LRRTM3: variants seen among roughly 807,000 people sequenced by gnomAD.
LRRTM3 encodes leucine rich repeat transmembrane neuronal 3, also known as leucine-rich repeat transmembrane neuronal protein 3.
LRRTM3 carries 24 observed loss-of-function variants against 44.7 expected under a neutral mutation model. That is an observed-to-expected ratio of 0.54 (90% CI 0.39 to 0.76). The LOEUF is 0.76. Ranked by LOEUF, LRRTM3 falls within the 30% of genes least tolerant of loss-of-function variation. LRRTM3 has a pLI of 0.00. For missense variants in LRRTM3, 587 were observed against 702.2 expected (o/e 0.84, Z 1.85); for synonymous variants, 277 against 278.7 (o/e 0.99, Z 0.06).
intron 2 of LRRTM3, among the ~76,000 whole-genome samples, chr10:66,963,318 C>G (rs1204176666): frequency 6.6e-6 from 1 of 152,104 alleles, no homozygotes; most frequent in Non-Finnish European, 1.5e-5. Flanking sequence ...CTGTGTAGCA[C>G]TGGGAAATTA....
chr10:66,980,546 A>G (rs753252), intron 2 of LRRTM3, among the ~76,000 whole-genome samples: 31,875 of 144,750 alleles, frequency 0.22, 4,010 homozygotes, highest in East Asian at 0.52. Context: ...AACAGGAACC[A>G]AAACTATTGA....
intron 2 of LRRTM3, among the ~76,000 whole-genome samples, chr10:67,020,011 A>T (rs1253923014): frequency 7.4e-5 from 2 of 27,060 alleles, no homozygotes; most frequent in East Asian, 1.6e-3. Flanking sequence ...GTTAATACCA[A>T]TATCAACTGC....
intron 1 of LRRTM3, 151 bp downstream of exon 1, chr10:66,926,738 TTAAC>T (rs543818726): frequency 8.0e-4 from 850 of 1,060,372 alleles, no homozygotes; most frequent in Non-Finnish European, 1.0e-3. Flanking sequence ...GTTTCCTTGT[TTAAC>T]TATTTAAAAA....
intron 2 of LRRTM3, among the ~76,000 whole-genome samples, chr10:66,992,086 A>G (rs577053118): frequency 4.6e-5 from 7 of 152,274 alleles, no homozygotes; most frequent in African/African-American, 1.7e-4. Context: ...CAGCCTTATC[A>G]GATGTTGCCA....
Position 66,927,502 on chromosome 10 carries a change from T to G in LRRTM3, c.586T>G (p.Leu196Val), listed in dbSNP as rs1564772181. The part of the protein sequence containing the change: ...LDLGYNRIRS[L>V]ARNVFAGMIR... The stretch of plus-strand genomic sequence containing the variant: ...CCTGGGATATAACCGGATCCGAAGT[T>G]TAGCCAGGAATGTCTTTGCTGGCAT... Residue 196 changes from leucine (L) to valine (V), a missense_variant, in exon 2 of 3, where the codon TTA becomes GTA. Coordinates refer to ENST00000361320, the MANE Select transcript of LRRTM3 (RefSeq NM_178011.5). This position sits in a 1 kb window ranked among gnomAD's most constrained non-coding sequence, Gnocchi z 4.7. The G allele has an allele frequency of 6.2e-7, 1 of 1,614,120 alleles. No individual in the cohort carries two copies. The highest frequency in any genetic ancestry group is 2.2e-5 in the East Asian group (1 of 44,868).
chr10:67,052,019 T>C (rs925485131), intron 2 of LRRTM3, among the ~76,000 whole-genome samples: 1 of 152,106 alleles, frequency 6.6e-6, no homozygotes, highest in Non-Finnish European at 1.5e-5. Flanking sequence ...CCTCCCAAAG[T>C]GCTGGGATTA....
At chr10:67,031,535 A>G (rs1853727631) in intron 2 of LRRTM3, among the ~76,000 whole-genome samples, 1 of 152,214 alleles carries the variant, frequency 6.6e-6, no homozygotes, top group South Asian at 2.1e-4. Context: ...AAGTAATGTC[A>G]CTAAAAGACT....
Position 67,087,612 on chromosome 10 carries a change from A to C in LRRTM3, c.1537-9975A>C, listed in dbSNP as rs138389976. Among the ~76,000 whole-genome samples, 276 of 152,154 alleles carry C rather than the reference A, an allele frequency of 1.8e-3. 3 individuals carry two copies. Among genetic ancestry groups the C allele is most frequent in the African/African-American group, 5.8e-3 (240 of 41,562 alleles). On this transcript the variant is annotated intron_variant, in intron 2 of 2. Coordinates refer to ENST00000361320, the MANE Select transcript of LRRTM3 (RefSeq NM_178011.5). The stretch of plus-strand genomic sequence containing the variant: ...TAAAATCAAATAAAAAATAAAGTGG[A>C]TCTCAAACATCATAATGCAGTGCCA...
intron 2 of LRRTM3, among the ~76,000 whole-genome samples, chr10:67,097,180 T>A (rs1858050194): frequency 6.6e-6 from 1 of 151,832 alleles, no homozygotes; most frequent in Non-Finnish European, 1.5e-5. Context: ...AGTTTGAGAA[T>A]CACTCTTGTT....
chr10:67,066,997 TTTATAGGCAA>T (rs1232235731), intron 2 of LRRTM3, among the ~76,000 whole-genome samples: 1 of 152,170 alleles, frequency 6.6e-6, no homozygotes, highest in Non-Finnish European at 1.5e-5. Context: ...AATTTATGTT[TTTATAGGCAA>T]TTATGTGTCA....
intron 2 of LRRTM3, among the ~76,000 whole-genome samples, chr10:67,004,793 T>A (rs1228065372): frequency 6.6e-6 from 1 of 152,230 alleles, no homozygotes; most frequent in African/African-American, 2.4e-5. Flanking sequence ...TTTGGGGAAC[T>A]CTGCAAGTTT....
chr10:67,088,063 A>G (rs967876015), intron 2 of LRRTM3, among the ~76,000 whole-genome samples: 9 of 151,966 alleles, frequency 5.9e-5, no homozygotes, highest in Non-Finnish European at 1.0e-4. Flanking sequence ...TGATAATTTA[A>G]AGAGAAAGAA....
rs946191605 is a variant in LRRTM3 at position 66,927,629 on chromosome 10, G to A, written c.713G>A (p.Trp238Ter). 1 of 1,614,090 alleles carries A rather than the reference G, an allele frequency of 6.2e-7. No individual in the cohort carries two copies. The highest frequency in any genetic ancestry group is 1.3e-5 in the African/African-American group (1 of 75,012). The change falls in exon 2 of 3, where the codon TGG becomes TAG. Residue 238 changes from tryptophan (W) to a stop codon, truncating the protein, a stop_gained. Transcript: ENST00000361320. LOFTEE classifies it high-confidence loss of function. The surrounding 1 kb of genome is among the most constrained non-coding windows in gnomAD (Gnocchi z 4.7). ...LVSLQNLYLQWNKISVIGQTM... is the reference protein window; with the variant it reads ...LVSLQNLYLQ ...AGCCTTCAGAACCTTTACTTGCAGT[G>A]GAATAAAATCAGTGTCATAGGACAG...
intron 2 of LRRTM3, among the ~76,000 whole-genome samples, chr10:67,091,846 C>A (rs1857664645): frequency 6.6e-6 from 1 of 151,796 alleles, no homozygotes; most frequent in Admixed American, 6.6e-5. Context: ...AAATAGGGAC[C>A]AAGGAAGAGG....
intron 2 of LRRTM3, among the ~76,000 whole-genome samples, chr10:67,018,297 C>G (rs1589610752): frequency 6.6e-6 from 1 of 152,104 alleles, no homozygotes; most frequent in East Asian, 1.9e-4. Context: ...AGGTAGTTTA[C>G]TCTTCGCTTT....
At chr10:67,061,527 G>A (rs771091979) in intron 2 of LRRTM3, among the ~76,000 whole-genome samples, 12 of 152,044 alleles carry the variant, frequency 7.9e-5, no homozygotes, top group Non-Finnish European at 1.8e-4. Flanking sequence ...AGTGGAGGCT[G>A]CACTTCCCTT....
chr10:66,928,433 C>A lies in LRRTM3; in HGVS notation c.1517C>A (p.Ser506Ter). The A allele has an allele frequency of 6.2e-7, 1 of 1,609,578 alleles. No homozygotes were observed. The highest frequency in any genetic ancestry group is 8.5e-7 in the Non-Finnish European group (1 of 1,178,388). The change falls in exon 2 of 3, where the codon TCG becomes TAG. Residue 506 changes from serine (S) to a stop codon, truncating the protein, a stop_gained. Coordinates refer to ENST00000361320, the MANE Select transcript of LRRTM3 (RefSeq NM_178011.5). LOFTEE classifies it high-confidence loss of function. ...ACGGGACCCTGCACCTATAACAAATCGGGCTCCAGGGAGTGTGAGGTATGA... is the reference window on the plus strand; with the variant it reads ...ACGGGACCCTGCACCTATAACAAATAGGGCTCCAGGGAGTGTGAGGTATGA... The part of the protein sequence containing the change: ...NGTGPCTYNK[S>*]GSRECEIPLS...
intron 2 of LRRTM3, among the ~76,000 whole-genome samples, chr10:66,930,499 A>C (rs1847315487): frequency 6.6e-6 from 1 of 152,130 alleles, no homozygotes; most frequent in East Asian, 1.9e-4. Flanking sequence ...TGTACTAAAG[A>C]TGTTTGTATT....
At chr10:66,971,238 C>T (rs750408125) in intron 2 of LRRTM3, among the ~76,000 whole-genome samples, 20 of 152,078 alleles carry the variant, frequency 1.3e-4, no homozygotes, top group South Asian at 2.1e-4. Flanking sequence ...CCAGCCTGAC[C>T]AACATAGTGA....
Sources: allele counts gnomAD v4.1 joint callset (sites outside exome capture counted in the v4.1 genomes callset), GRCh38; gene constraint gnomAD v4.1.1; non-coding constraint Gnocchi (gnomAD v3.1); transcripts MANE v1.5; gene names NCBI Gene and HGNC (gene_info 2026-07-23, HGNC 2026-07-21).